Variants in DPP9 observed in about 807,000 individuals in gnomAD.
DPP9 encodes dipeptidyl peptidase IV-related protein-2.
Under a neutral mutation model 110.7 loss-of-function variants are expected in DPP9, and 50 were observed. The ratio of observed to expected loss-of-function variants is 0.45; its 90% CI spans 0.36 to 0.57. The LOEUF (loss-of-function observed/expected upper bound fraction) is 0.57, where lower values mean the gene tolerates loss of function less well. Ranked by LOEUF, DPP9 falls within the 20% of genes least tolerant of loss-of-function variation. The pLI, the probability that DPP9 is intolerant of heterozygous loss-of-function variation, is 0.00. For missense variants in DPP9, 1,022 were observed against 1,217.9 expected, an observed-to-expected ratio of 0.84 and a Z score of 2.39; for synonymous variants, 561 against 514.4, an observed-to-expected ratio of 1.09 and a Z score of -1.23.
intron 18 of DPP9, chr19:4,683,969 T>C (rs2090304770): frequency 1.7e-6 from 1 of 575,404 alleles, no homozygotes; most frequent in Non-Finnish European, 2.8e-6. Flanking sequence ...TGCCCAGGCA[T>C]GTGCAAGGGC....
chr19:4,693,324 G>A lies in DPP9; in HGVS notation c.1516+1337C>T, dbSNP rs576069115. Among the ~76,000 whole-genome samples the A allele has an allele frequency of 1.1e-4, 17 of 152,228 alleles. No homozygotes were observed. The highest frequency in any genetic ancestry group is 6.2e-4 in the South Asian group (3 of 4,832). On this transcript the variant is annotated intron_variant, in intron 13 of 21. Coordinates refer to ENST00000262960, the MANE Select transcript of DPP9 (RefSeq NM_139159.5). This position sits in a 1 kb window ranked among gnomAD's most constrained non-coding sequence, Gnocchi z 5.0. The stretch of plus-strand genomic sequence containing the variant: ...CTTGGGAGCTCTGTCCCATCCCGAG[G>A]CTGACACTGTCAGTGTGCAAGGACA...
rs897397566 is a variant in DPP9 at position 4,687,565 on chromosome 19, C to T, written c.1885+1192G>A. On this transcript the variant is annotated intron_variant, in intron 16 of 21. Transcript: ENST00000262960. The surrounding 1 kb of genome is among the most constrained non-coding windows in gnomAD (Gnocchi z 4.7). Reference sequence around the variant, plus strand: ...TTTCCTGAGGCCCCCCTGTGACTGACCCTTTGCTCCTTTTCCTGATAAAGG... The same window carrying T: ...TTTCCTGAGGCCCCCCTGTGACTGATCCTTTGCTCCTTTTCCTGATAAAGG... Among the ~76,000 whole-genome samples the T allele has an allele frequency of 6.6e-6, 1 of 152,126 alleles. No homozygotes were observed. Among genetic ancestry groups the T allele is most frequent in the African/African-American group, 2.4e-5 (1 of 41,428 alleles).
At position 4,722,520 on chromosome 19, in the gene DPP9, C is replaced by G. The variant is rs1017248045; in HGVS notation, c.-57G>C. On this transcript the variant is annotated 5_prime_UTR_variant, in exon 2 of 22. Transcript: ENST00000262960. ...TGACCTTCTAAAGGGTCCAGAGAGC[C>G]TCCATTCCAGCTGCAGGCGTGGGAC... 1 of 703,030 alleles carries G rather than the reference C, an allele frequency of 1.4e-6. No individual in the cohort carries two copies. Among genetic ancestry groups the G allele is most frequent in the African/African-American group, 1.7e-5 (1 of 57,258 alleles). 43.5% of individuals were successfully genotyped at this position (703,030 alleles called of 1,614,324 possible).
At position 4,704,021 on chromosome 19, in the gene DPP9, G is replaced by C; in HGVS notation, c.634C>G (p.Gln212Glu). Residue 212 changes from glutamine to glutamate, a missense_variant, in exon 7 of 22, where the codon CAG becomes GAG. Transcript: ENST00000262960. This position sits in a 1 kb window ranked among gnomAD's most constrained non-coding sequence, Gnocchi z 6.0. ...GGGTCCATCCGGGGCCCTGAGCACT[G>C]GGTCTTGATTTCCAGCGGTTTCATA... ...SPMKPLEIKT[Q>E]CSGPRMDPKI... 1 of 1,614,070 alleles carries C rather than the reference G, an allele frequency of 6.2e-7. No individual in the cohort carries two copies. The highest frequency in any genetic ancestry group is 8.5e-7 in the Non-Finnish European group (1 of 1,179,902).
chr19:4,683,390 G>T, intron 19 of DPP9, 87 bp downstream of exon 19: 1 of 1,572,590 alleles, frequency 6.4e-7, no homozygotes, highest in Non-Finnish European at 8.6e-7. Flanking sequence ...GTGGGCTCCG[G>T]GTGGCGCGGG....
intron 10 of DPP9, 56 bp from the exon 11 acceptor site, chr19:4,697,707 AG>A: frequency 6.8e-7 from 1 of 1,475,352 alleles, no homozygotes; most frequent in East Asian, 2.3e-5. Flanking sequence ...CGCTGCTCGG[AG>A]GAGAAGGCCA....
In DPP9 at chr19:4,675,289, A is replaced by G. The variant is rs1225553442; in HGVS notation, c.*1275T>C. On this transcript the variant is annotated 3_prime_UTR_variant, in exon 22 of 22. Coordinates refer to ENST00000262960, the MANE Select transcript of DPP9 (RefSeq NM_139159.5). ...TTCCACGCATAATTATAAAAGAATA[A>G]GAATCGACAAAAATATTTTCTTTCC... is the stretch of plus-strand genomic sequence containing the variant. 1.3e-5 allele frequency: 2 copies of G among 152,322 alleles called. No homozygotes were observed. Among genetic ancestry groups the G allele is most frequent in the Non-Finnish European group, 2.9e-5 (2 of 68,002 alleles). The allele number at this position is 152,322 out of a possible 1,614,324, so 9.4% of individuals were successfully genotyped here.
At chr19:4,678,502 G>C (rs1278511173) in intron 21 of DPP9, among the ~76,000 whole-genome samples, 1 of 152,240 alleles carries the variant, frequency 6.6e-6, no homozygotes, top group Non-Finnish European at 1.5e-5. Context: ...GAAACGAGGT[G>C]CAAGGGTGAA....
intron 2 of DPP9, among the ~76,000 whole-genome samples, chr19:4,721,835 G>A (rs780392002): frequency 1.3e-5 from 2 of 152,162 alleles, no homozygotes; most frequent in Non-Finnish European, 1.5e-5. Flanking sequence ...TAAGGGAAGA[G>A]GTTAAGCATA....
At chr19:4,691,018 C>T (rs371563317) in intron 13 of DPP9, 61 bp from the exon 14 acceptor site, 5 of 1,358,750 alleles carry the variant, frequency 3.7e-6, no homozygotes, top group Non-Finnish European at 5.1e-6. Context: ...CGCCCAAAGG[C>T]ACCCAGGCCA....
chr19:4,689,617 C>A lies in DPP9; in HGVS notation c.1702G>T (p.Val568Leu). The change falls in exon 15 of 22, where the codon GTA becomes TTA. Residue 568 changes from valine (V) to leucine (L), a missense_variant. Coordinates refer to ENST00000262960, the MANE Select transcript of DPP9 (RefSeq NM_139159.5). The surrounding 1 kb of genome is among the most constrained non-coding windows in gnomAD (Gnocchi z 7.0). The stretch of plus-strand genomic sequence containing the variant: ...GAGAAGCCGGGCGTGGTGAGGCGTA[C>A]GATCTCGCCGGCCGCCTCATAGCTG... Reference protein sequence around the residue: ...VVSYEAAGEIVRLTTPGFSHS... With the variant: ...VVSYEAAGEILRLTTPGFSHS... 1 of 1,573,158 alleles carries A rather than the reference C, an allele frequency of 6.4e-7. No individual in the cohort carries two copies. The highest frequency in any genetic ancestry group is 8.6e-7 in the Non-Finnish European group (1 of 1,160,028).
intron 18 of DPP9, 188 bp from the exon 19 acceptor site, chr19:4,683,817 C>G: frequency 6.5e-7 from 1 of 1,535,358 alleles, no homozygotes; most frequent in Non-Finnish European, 8.7e-7. Context: ...GATCCAGCAG[C>G]CATCTTGCTC....
At chr19:4,712,600 C>T (rs1004814877) in intron 4 of DPP9, among the ~76,000 whole-genome samples, 4 of 152,014 alleles carry the variant, frequency 2.6e-5, no homozygotes, top group Non-Finnish European at 4.4e-5. Context: ...TTTTCAGCTA[C>T]GTGGGCCATA....
Position 4,700,241 on chromosome 19 carries a change from T to A in DPP9, c.1049A>T (p.Glu350Val). 1 of 1,598,374 alleles carries A rather than the reference T, an allele frequency of 6.3e-7. No homozygotes were observed. Among genetic ancestry groups the A allele is most frequent in the South Asian group, 1.1e-5 (1 of 89,188 alleles). Residue 350 changes from glutamate (E) to valine (V), a missense_variant, in exon 10 of 22, where the codon GAG becomes GTG. Physicochemically the swap from Glu to Val is moderately radical, Grantham distance 121. This residue lies in a region of DPP9 where 810 missense variants were observed against 920.6 expected (regional missense o/e 0.88). Coordinates refer to ENST00000262960, the MANE Select transcript of DPP9 (RefSeq NM_139159.5). This position sits in a 1 kb window ranked among gnomAD's most constrained non-coding sequence, Gnocchi z 4.3. ...CTTGCCCTGGCTGTCAGTCTGGAACTCAGCCAGTTTCAAGGCAATCTTGGG... is the reference window on the plus strand; with the variant it reads ...CTTGCCCTGGCTGTCAGTCTGGAACACAGCCAGTTTCAAGGCAATCTTGGG... ...KNPKIALKLA[E>V]FQTDSQGKIV...
chr19:4,683,118 C>T, intron 19 of DPP9: 9 of 1,473,476 alleles, frequency 6.1e-6, no homozygotes, highest in East Asian at 5.6e-5. Flanking sequence ...TCCTCCTCAT[C>T]GCCGCCGCCC....
chr19:4,679,922 G>A lies in DPP9; in HGVS notation c.2499C>T (p.His833=), dbSNP rs1449050599. The A allele has an allele frequency of 3.1e-6, 5 of 1,613,192 alleles. No individual in the cohort carries two copies. Among genetic ancestry groups the A allele is most frequent in the Non-Finnish European group, 4.2e-6 (5 of 1,179,674 alleles). ...PNEPNRLLIL[H]GFLDENVHFF... Reference sequence around the variant, plus strand: ...AGTGCACGTTTTCGTCCAGGAAGCCGTGGAGGATAAGCAAGCGGTTGGGCC... The same window carrying A: ...AGTGCACGTTTTCGTCCAGGAAGCCATGGAGGATAAGCAAGCGGTTGGGCC... The change falls in exon 21 of 22, where the codon CAC becomes CAT. Residue 833 remains histidine (H), a synonymous_variant. Transcript: ENST00000262960.
In DPP9 at chr19:4,723,812, C is replaced by T. The variant is rs1019166249; in HGVS notation, c.-227G>A. 9 of 154,566 alleles carry T rather than the reference C, an allele frequency of 5.8e-5. No homozygotes were observed. Among genetic ancestry groups the T allele is most frequent in the African/African-American group, 2.2e-4 (9 of 41,630 alleles). 9.6% of individuals were successfully genotyped at this position (154,566 alleles called of 1,614,324 possible). A position where few individuals can be genotyped will look rare whatever the true frequency, so the allele number is the denominator to read the frequency against. On this transcript the variant is annotated 5_prime_UTR_variant, in exon 1 of 22. Coordinates refer to ENST00000262960, the MANE Select transcript of DPP9 (RefSeq NM_139159.5). ...ACAGCCGCGGCGGACACAGGGGACCCGCCGGCTCAGGCACCTTTGACCCGG... is the reference window on the plus strand; with the variant it reads ...ACAGCCGCGGCGGACACAGGGGACCTGCCGGCTCAGGCACCTTTGACCCGG...
At chr19:4,701,905 C>A (rs1365158117) in intron 9 of DPP9, 122 bp downstream of exon 9, 53 of 1,388,640 alleles carry the variant, frequency 3.8e-5, no homozygotes, top group Non-Finnish European at 3.8e-5. Context: ...CTTCTACACC[C>A]CCATAGATGC....
rs1313644770 is a variant in DPP9 at position 4,685,081 on chromosome 19, C to CA, written c.2032-273dup. 1 of 631,952 alleles carries CA rather than the reference C, an allele frequency of 1.6e-6. No homozygotes were observed. Among genetic ancestry groups the CA allele is most frequent in the African/African-American group, 1.8e-5 (1 of 55,638 alleles). The allele number at this position is 631,952 out of a possible 1,614,324, so 39.1% of individuals were successfully genotyped here. On this transcript the variant is annotated intron_variant, in intron 17 of 21. Coordinates refer to ENST00000262960, the MANE Select transcript of DPP9 (RefSeq NM_139159.5). The surrounding 1 kb of genome is among the most constrained non-coding windows in gnomAD (Gnocchi z 5.8). ...GTCCTGCCTGGAACAACTACTCTGG[C>CA]ATGATGGACATTGGGGTGGCTCCTT...
Sources: allele counts gnomAD v4.1 joint callset (sites outside exome capture counted in the v4.1 genomes callset), GRCh38; gene constraint gnomAD v4.1.1; regional missense constraint gnomAD v4.1.1; non-coding constraint Gnocchi (gnomAD v3.1); transcripts MANE v1.5; gene names NCBI Gene and HGNC (gene_info 2026-07-23, HGNC 2026-07-21).